COA1: variants seen among roughly 807,000 people sequenced by gnomAD.
COA1 encodes the protein cytochrome c oxidase assembly factor 1, also known as cytochrome c oxidase assembly factor 1 homolog.
In COA1, 13 loss-of-function variants were observed where a neutral mutation model predicts 16.0. The observed-to-expected ratio is 0.81, with a 90% CI of 0.53 to 1.29. The LOEUF is 1.29. Ranked by LOEUF, COA1 falls within the 50% of genes most tolerant of loss-of-function variation. The probability of loss-of-function intolerance (pLI) is 0.00; values close to 1 mark genes in which losing one functional copy is unlikely to be tolerated. For synonymous variants in COA1, 65 were observed against 65.7 expected (o/e 0.99, Z 0.05); for missense variants, 179 against 177.0 (o/e 1.01, Z -0.06).
intron 1 of COA1, among the ~76,000 whole-genome samples, chr7:43,703,632 G>A (rs527266296): frequency 3.3e-5 from 5 of 152,060 alleles, no homozygotes; most frequent in Admixed American, 6.5e-5. Flanking sequence ...GTTTAAAGTC[G>A]GTTTTGTCTG....
chr7:43,664,612 T>TGGCA (rs1352961509), intron 1 of COA1, among the ~76,000 whole-genome samples: 1 of 152,168 alleles, frequency 6.6e-6, no homozygotes, highest in African/African-American at 2.4e-5. Context: ...TATGAACAGG[T>TGGCA]GGCACACTGC....
intron 6 of COA1, among the ~76,000 whole-genome samples, chr7:43,630,014 C>T (rs1013432443): frequency 2.6e-5 from 4 of 152,090 alleles, no homozygotes; most frequent in Non-Finnish European, 1.5e-5. Context: ...GCCTGTGCTG[C>T]CTGTTTGGTG....
chr7:43,668,690 A>G (rs1490365972), intron 1 of COA1, among the ~76,000 whole-genome samples: 1 of 152,238 alleles, frequency 6.6e-6, no homozygotes, highest in Non-Finnish European at 1.5e-5. Context: ...CTGGATCAAT[A>G]TGCTGGTTCT....
intron 1 of COA1, among the ~76,000 whole-genome samples, chr7:43,688,399 T>C (rs2094132175): frequency 6.6e-6 from 1 of 152,310 alleles, no homozygotes; most frequent in South Asian, 2.1e-4. Flanking sequence ...TAATAGTATA[T>C]AGTTGTTTTA....
chr7:43,693,739 C>A (rs556617611), intron 1 of COA1, among the ~76,000 whole-genome samples: 1 of 152,136 alleles, frequency 6.6e-6, no homozygotes, highest in African/African-American at 2.4e-5. Flanking sequence ...CGTACCTCAT[C>A]TTACCCTATC....
At chr7:43,649,883 A>G (rs1219768478) in intron 1 of COA1, 1 of 151,994 alleles carries the variant, frequency 6.6e-6, no homozygotes, top group Non-Finnish European at 1.5e-5. Flanking sequence ...CATATGCACC[A>G]AGAGAGGAAG....
rs572044694 is a variant in COA1, at chr7:43,666,373, T to G, written c.-38-17721A>C. 2.0e-5 allele frequency among the ~76,000 whole-genome samples: 3 copies of G among 152,328 alleles called. No homozygotes were observed. In the East Asian group the frequency reaches 5.8e-4, roughly 29 times the overall value. On this transcript the variant is annotated intron_variant, in intron 1 of 5. Transcript: ENST00000223336. The stretch of plus-strand genomic sequence containing the variant: ...TGCTTATTAGGCCCTAAAAAATGCA[T>G]GCTACCTGGCCTTGTTTCTCTAAGG...
At chr7:43,657,736 G>T (rs116658859) in intron 1 of COA1, among the ~76,000 whole-genome samples, 68 of 152,140 alleles carry the variant, frequency 4.5e-4, no homozygotes, top group African/African-American at 1.5e-3. Flanking sequence ...CACAGACTGG[G>T]AGAAAATATT....
In COA1 at chr7:43,647,571, C is replaced by T. The variant is rs1166072325; in HGVS notation, c.79G>A (p.Ala27Thr). ...ARILFHGVFY[A>T]GGFAIVYYLI... ...TAATACACAATGGCAAAGCCCCCGG[C>T]ATAGAACACACCGTGGAAAAGGATC... The change falls in exon 3 of 6, where the codon GCC (alanine) becomes ACC (threonine). Residue 27 changes from alanine to threonine, a missense_variant. Coordinates refer to ENST00000223336, the MANE Select transcript of COA1 (RefSeq NM_018224.4). 1.2e-6 allele frequency: 2 copies of T among 1,614,004 alleles called. No individual in the cohort carries two copies. The highest frequency in any genetic ancestry group is 1.3e-5 in the African/African-American group (1 of 74,930).
At chr7:43,708,645 T>G (rs1050580951) in intron 1 of COA1, among the ~76,000 whole-genome samples, 1 of 152,218 alleles carries the variant, frequency 6.6e-6, no homozygotes, top group Non-Finnish European at 1.5e-5. Context: ...CACTTGGATA[T>G]TCTTTTTGGT....
At chr7:43,702,672 T>G (rs1218475657) in intron 1 of COA1, among the ~76,000 whole-genome samples, 1 of 152,190 alleles carries the variant, frequency 6.6e-6, no homozygotes, top group African/African-American at 2.4e-5. Context: ...TAATAGTCTC[T>G]GAGGGTTTTT....
intron 1 of COA1, among the ~76,000 whole-genome samples, chr7:43,703,606 TTTATTA>T (rs1356136350): frequency 6.6e-6 from 1 of 152,174 alleles, no homozygotes; most frequent in East Asian, 1.9e-4. Flanking sequence ...TTTGTCCTTT[TTTATTA>T]TTATTGTTGG....
chr7:43,657,099 T>C (rs981791358), intron 1 of COA1: 2 of 152,168 alleles, frequency 1.3e-5, no homozygotes, highest in Non-Finnish European at 2.9e-5. Flanking sequence ...TTGAGTAATA[T>C]AGTTTTTACC....
Position 43,661,241 on chromosome 7 carries a change from C to T in COA1, c.-38-12589G>A, listed in dbSNP as rs77346156. Among the ~76,000 whole-genome samples, 277 of 152,266 alleles carry T rather than the reference C, an allele frequency of 1.8e-3. 9 individuals are homozygous for T. In the East Asian group the frequency reaches 0.048, roughly 27 times the overall value. On this transcript the variant is annotated intron_variant, in intron 1 of 5. Coordinates refer to ENST00000223336, the MANE Select transcript of COA1 (RefSeq NM_018224.4). ...GATTGGGTTTTCCATTTTAGAATGC[C>T]TCATATCTAACACATAGAATAGGAG... is the stretch of plus-strand genomic sequence containing the variant.
chr7:43,658,436 C>T (rs957215003), intron 1 of COA1, among the ~76,000 whole-genome samples: 2 of 151,990 alleles, frequency 1.3e-5, no homozygotes, highest in African/African-American at 4.8e-5. Context: ...TCAAACCTCT[C>T]GAAACTAAGA....
intron 1 of COA1, among the ~76,000 whole-genome samples, chr7:43,666,957 A>C (rs2092930227): frequency 1.3e-5 from 2 of 152,380 alleles, no homozygotes; most frequent in Middle Eastern, 6.8e-3. Flanking sequence ...TTAAGACACT[A>C]ATCTGCCCTT....
At chr7:43,722,031 T>C (rs1456305016) in intron 1 of COA1, among the ~76,000 whole-genome samples, 1 of 151,976 alleles carries the variant, frequency 6.6e-6, no homozygotes, top group Non-Finnish European at 1.5e-5. Flanking sequence ...GCACAGAACA[T>C]TTCAATGAGA....
chr7:43,612,178 A>G lies in COA1; in HGVS notation c.*134-2683T>C. ...TTTGATGTTGGAAACTGGACTCTCC[A>G]TGTTTCCTCGACCCAGAGGAACTAG... On this transcript the variant is annotated intron_variant and NMD_transcript_variant, in intron 6 of 6. Coordinates refer to the COA1 transcript ENST00000415076. Among the ~76,000 whole-genome samples the G allele has an allele frequency of 1.3e-5, 2 of 152,208 alleles. 1 individual carries two copies. Among genetic ancestry groups the G allele is most frequent in the East Asian group, 3.8e-4 (2 of 5,204 alleles).
chr7:43,642,492 G>GTTTGAGT (rs2087440800), intron 4 of COA1, among the ~76,000 whole-genome samples: 1 of 152,114 alleles, frequency 6.6e-6, no homozygotes, highest in Admixed American at 6.6e-5. Flanking sequence ...GGGTCCCACT[G>GTTTGAGT]TTTGAGTCAA....
Sources: gnomAD v4.1 joint callset for allele counts (sites outside exome capture counted in the v4.1 genomes callset) on GRCh38, gnomAD v4.1.1 for gene constraint, MANE v1.5 for transcripts, NCBI Gene and HGNC (gene_info 2026-07-23, HGNC 2026-07-21) for gene names.